Variants in LYN observed in about 807,000 individuals in gnomAD.
The protein encoded by LYN is tyrosine-protein kinase Lyn.
LYN carries 12 observed loss-of-function variants against 65.0 expected under a neutral mutation model. The ratio of observed to expected loss-of-function variants is 0.18; its 90% CI spans 0.12 to 0.30. The LOEUF (loss-of-function observed/expected upper bound fraction) is 0.30, where lower values mean the gene tolerates loss of function less well. Among genes scored for constraint, LYN ranks in the 10% least tolerant of loss-of-function variants. LYN has a pLI of 1.00. For synonymous variants in LYN, 222 were observed against 221.2 expected (o/e 1.00, Z -0.03); for missense variants, 380 against 623.2 (o/e 0.61, Z 4.16).
chr8:55,977,140 G>A (rs968791683), intron 10 of LYN, among the ~76,000 whole-genome samples: 15 of 151,924 alleles, frequency 9.9e-5, no homozygotes, highest in Non-Finnish European at 4.4e-5. Context: ...AGCCAAGATC[G>A]TGCCACTGCA....
At chr8:55,998,757 A>G (rs1808441454) in intron 11 of LYN, among the ~76,000 whole-genome samples, 1 of 152,266 alleles carries the variant, frequency 6.6e-6, no homozygotes, top group South Asian at 2.1e-4. Context: ...GCAAAACACA[A>G]ATAGATTCAG....
chr8:55,966,948 T>C, intron 9 of LYN, 51 bp downstream of exon 9: 1 of 1,544,670 alleles, frequency 6.5e-7, no homozygotes. Flanking sequence ...ACTCAAAAAG[T>C]AAAATGTGTA....
rs1217820544 is a variant in LYN at position 55,911,339 on chromosome 8, C to T, written c.-5-30516C>T. 2.4e-5 allele frequency among the ~76,000 whole-genome samples: 3 copies of T among 125,586 alleles called. No individual in the cohort carries two copies. In the East Asian group the frequency reaches 6.8e-4, roughly 28 times the overall value. The allele number at this position is 125,586 out of a possible 152,430, so 82.4% of individuals were successfully genotyped here. On this transcript the variant is annotated intron_variant, in intron 1 of 12. Coordinates refer to ENST00000519728, the MANE Select transcript of LYN (RefSeq NM_002350.4). The stretch of plus-strand genomic sequence containing the variant: ...GTTTCACCATGCTGGTCAGGCTGCT[C>T]TTGAACTCCTGGCCTCAAGTGATCT...
In LYN at chr8:56,010,404, CA is replaced by C; in HGVS notation, c.*299del. On this transcript the variant is annotated 3_prime_UTR_variant, in exon 13 of 13. Transcript: ENST00000519728. Reference sequence around the variant, plus strand: ...TTGAGAAGAAAACATCTATTCTCTCCAAAAATGCACCCAACTAGCTCTATGT... The same window carrying C: ...TTGAGAAGAAAACATCTATTCTCTCCAAAATGCACCCAACTAGCTCTATGT... 2.5e-6 allele frequency: 1 copy of C among 403,726 alleles called. No homozygotes were observed. The highest frequency in any genetic ancestry group is 2.8e-5 in the South Asian group (1 of 35,222). 25.0% of individuals were successfully genotyped at this position (403,726 alleles called of 1,614,324 possible).
chr8:55,916,540 C>T (rs895007845), intron 1 of LYN, among the ~76,000 whole-genome samples: 6 of 152,198 alleles, frequency 3.9e-5, no homozygotes, highest in Admixed American at 3.9e-4. Context: ...ATGTGAGCTA[C>T]ACTGCAACAA....
At chr8:55,916,291 C>T (rs1410590911) in intron 1 of LYN, among the ~76,000 whole-genome samples, 2 of 152,100 alleles carry the variant, frequency 1.3e-5, no homozygotes, top group Admixed American at 6.6e-5. Flanking sequence ...TTCAATGTTA[C>T]GCTTTTAACA....
At chr8:56,009,807 T>C in intron 12 of LYN, 101 bp from the exon 13 acceptor site, 4 of 896,832 alleles carry the variant, frequency 4.5e-6, no homozygotes, top group Non-Finnish European at 6.9e-6. Flanking sequence ...TCAATCATGG[T>C]TACAGGATGT....
chr8:55,970,103 G>A (rs1199291018), intron 10 of LYN, among the ~76,000 whole-genome samples: 1 of 152,200 alleles, frequency 6.6e-6, no homozygotes, highest in African/African-American at 2.4e-5. Flanking sequence ...ATTTGGGAGA[G>A]GCAGTTCCAT....
chr8:55,946,591 G>T, intron 3 of LYN, 98 bp downstream of exon 3: 1 of 790,498 alleles, frequency 1.3e-6, no homozygotes, highest in Non-Finnish European at 2.1e-6. Flanking sequence ...TTTTATTGTG[G>T]GACATATATA....
Position 56,013,104 on chromosome 8 carries a change from C to T in LYN, c.*2994C>T, listed in dbSNP as rs561405757. ...CCCTTCTAGGGGAAATTCACTGCCA[C>T]AGAAGCCAGCAGCCCTGGCTGTCCC... is the stretch of plus-strand genomic sequence containing the variant. On this transcript the variant is annotated 3_prime_UTR_variant, in exon 13 of 13. Coordinates refer to ENST00000519728, the MANE Select transcript of LYN (RefSeq NM_002350.4). 1 of 152,384 alleles carries T rather than the reference C, an allele frequency of 6.6e-6. No homozygotes were observed. The highest frequency in any genetic ancestry group is 1.9e-4 in the East Asian group (1 of 5,178). 9.4% of individuals were successfully genotyped at this position (152,384 alleles called of 1,614,324 possible). A position where few individuals can be genotyped will look rare whatever the true frequency, so the allele number is the denominator to read the frequency against.
rs534622851 is a variant in LYN, at chr8:55,911,625, T to C, written c.-5-30230T>C. ...GTATTTATACATATGTGAAATTCCATTGTACTAGGGTGTCCTGTATTTTAT... is the reference window on the plus strand; with the variant it reads ...GTATTTATACATATGTGAAATTCCACTGTACTAGGGTGTCCTGTATTTTAT... On this transcript the variant is annotated intron_variant, in intron 1 of 12. Transcript: ENST00000519728. 6.8e-4 allele frequency among the ~76,000 whole-genome samples: 103 copies of C among 152,020 alleles called. 1 individual carries two copies. Among genetic ancestry groups the C allele is most frequent in the African/African-American group, 2.4e-3 (98 of 41,482 alleles).
intron 10 of LYN, among the ~76,000 whole-genome samples, chr8:55,972,025 C>T (rs1341415416): frequency 1.3e-5 from 2 of 152,142 alleles, no homozygotes; most frequent in African/African-American, 2.4e-5. Context: ...CAATCAAGGT[C>T]GGCACCAGTG....
intron 1 of LYN, among the ~76,000 whole-genome samples, chr8:55,919,022 C>CAA (rs35663372): frequency 0.23 from 14,335 of 62,736 alleles, 2,081 homozygotes; most frequent in African/African-American, 0.27. Flanking sequence ...CCTGTCTCTA[C>CAA]AAAAAAAAAA....
chr8:56,000,427 T>A (rs1220904573), intron 12 of LYN, among the ~76,000 whole-genome samples: 2 of 151,986 alleles, frequency 1.3e-5, no homozygotes, highest in Non-Finnish European at 2.9e-5. Flanking sequence ...TGTGCTGGCA[T>A]GGTTAAGAAG....
At chr8:55,919,577 C>G (rs73682126) in intron 1 of LYN, among the ~76,000 whole-genome samples, 2,313 of 152,182 alleles carry the variant, frequency 0.015, 42 homozygotes, top group African/African-American at 0.044. Context: ...AACTATTAGG[C>G]AAATTTAGCT....
Position 56,011,991 on chromosome 8 carries a change from CAA to C in LYN, c.*1883_*1884del, listed in dbSNP as rs914167304. 3 of 187,156 alleles carry C rather than the reference CAA, an allele frequency of 1.6e-5. No homozygotes were observed. Among genetic ancestry groups the C allele is most frequent in the African/African-American group, 7.0e-5 (3 of 42,686 alleles). The allele number at this position is 187,156 out of a possible 1,614,324, so 11.6% of individuals were successfully genotyped here. On this transcript the variant is annotated 3_prime_UTR_variant, in exon 13 of 13. Transcript: ENST00000519728. ...ACTAGAGGTTTTTTTTTTAGCATAACAAATTTATTTAAAGAAAATTATTAAAT... is the reference window on the plus strand; with the variant it reads ...ACTAGAGGTTTTTTTTTTAGCATAACATTTATTTAAAGAAAATTATTAAAT...
rs1292766119 is a variant in LYN at position 56,009,960 on chromosome 8, C to T, written c.1389C>T (p.Pro463=). Residue 463 remains proline (P), a synonymous_variant, in exon 13 of 13, where the codon CCC becomes CCT. Coordinates refer to ENST00000519728, the MANE Select transcript of LYN (RefSeq NM_002350.4). The part of the protein sequence containing the change: ...MTALSQGYRM[P]RVENCPDELY... ...CCCTGTCCCAGGGCTACAGGATGCC[C>T]CGTGTGGAGAACTGCCCAGATGAGC... 1 of 1,613,994 alleles carries T rather than the reference C, an allele frequency of 6.2e-7. No homozygotes were observed. The highest frequency in any genetic ancestry group is 2.2e-5 in the East Asian group (1 of 44,884).
At chr8:55,956,754 G>A (rs1030391960) in intron 8 of LYN, among the ~76,000 whole-genome samples, 1 of 152,136 alleles carries the variant, frequency 6.6e-6, no homozygotes, top group African/African-American at 2.4e-5. Context: ...GGACTTCTGC[G>A]TTCTCTTCCC....
Position 55,950,709 on chromosome 8 carries a change from G to A in LYN, c.412G>A (p.Asp138Asn). The A allele has an allele frequency of 6.2e-7, 1 of 1,614,068 alleles. No individual in the cohort carries two copies. Among genetic ancestry groups the A allele is most frequent in the Non-Finnish European group, 8.5e-7 (1 of 1,179,904 alleles). Residue 138 changes from aspartate (D) to asparagine (N), a missense_variant, in exon 6 of 13, where the codon GAC (aspartate) becomes AAC (asparagine). Asp to Asn is a conservative substitution (Grantham distance 23, BLOSUM62 1). Coordinates refer to ENST00000519728, the MANE Select transcript of LYN (RefSeq NM_002350.4). ...GTTTTTCAAGGATATAACCAGGAAGGACGCAGAAAGGCAGCTTTTGGCACC... is the reference window on the plus strand; with the variant it reads ...GTTTTTCAAGGATATAACCAGGAAGAACGCAGAAAGGCAGCTTTTGGCACC... ...EWFFKDITRKDAERQLLAPGN... is the reference protein window; with the variant it reads ...EWFFKDITRKNAERQLLAPGN...
Sources: allele counts gnomAD v4.1 joint callset (sites outside exome capture counted in the v4.1 genomes callset), GRCh38; gene constraint gnomAD v4.1.1; transcripts MANE v1.5; gene names NCBI Gene and HGNC (gene_info 2026-07-23, HGNC 2026-07-21).